Variants in LENG9 observed in about 807,000 individuals in gnomAD.
LENG9 encodes the protein leukocyte receptor cluster (LRC) member 9.
For synonymous variants in LENG9, 410 were observed against 303.9 expected (o/e 1.35, Z -3.63); for missense variants, 872 against 652.7 (o/e 1.34, Z -3.66).
At position 54,463,344 on chromosome 19, in the gene LENG9, C is replaced by T; in HGVS notation, c.183G>A (p.Lys61=). ...REAQPEAGAK[K]PPLRTAADVI... ...CGTCCGCGGCTGTGCGCAGCGGCGGCTTCTTGGCCCCGGCCTCCGGCTGCG... is the reference window on the plus strand; with the variant it reads ...CGTCCGCGGCTGTGCGCAGCGGCGGTTTCTTGGCCCCGGCCTCCGGCTGCG... The change falls in exon 1 of 1, where the codon AAG becomes AAA. Residue 61 remains lysine (K), a synonymous_variant. Coordinates refer to ENST00000611161, the MANE Select transcript of LENG9 (RefSeq NM_001301782.2). 12 of 1,441,822 alleles carry T rather than the reference C, an allele frequency of 8.3e-6. No individual in the cohort carries two copies. The highest frequency in any genetic ancestry group is 1.5e-5 in the African/African-American group (1 of 66,886). The allele number at this position is 1,441,822 out of a possible 1,614,324, so 89.3% of individuals were successfully genotyped here. A position where few individuals can be genotyped will look rare whatever the true frequency, so the allele number is the denominator to read the frequency against.
Position 54,462,631 on chromosome 19 carries a change from T to C in LENG9, c.896A>G (p.His299Arg), listed in dbSNP as rs1356569870. The C allele has an allele frequency of 2.5e-6, 4 of 1,613,408 alleles. No individual in the cohort carries two copies. Among genetic ancestry groups the C allele is most frequent in the East Asian group, 2.2e-5 (1 of 44,862 alleles). ...CTCGGTCACCATGAGGGCCACAAAA[T>C]GTGTGGGGCGCGGTTGGCAAGGGGC... Reference protein sequence around the residue: ...VAAPCQPRPTHFVALMVTEPG... With the variant: ...VAAPCQPRPTRFVALMVTEPG... Residue 299 changes from histidine to arginine, a missense_variant, in exon 1 of 1, where the codon CAT becomes CGT. Physicochemically the swap from His to Arg is conservative, Grantham distance 29. Transcript: ENST00000611161.
At position 54,462,364 on chromosome 19, in the gene LENG9, A is replaced by C; in HGVS notation, c.1163T>G (p.Leu388Arg). Residue 388 changes from leucine to arginine, a missense_variant, in exon 1 of 1, where the codon CTG (leucine) becomes CGG (arginine). By Grantham distance (102) the Leu-to-Arg change is moderately radical. Transcript: ENST00000611161. ...RKLVLLGPHVLCAPPSPTLES... is the reference protein window; with the variant it reads ...RKLVLLGPHVRCAPPSPTLES... ...CAGTGTGGGAGAGGGTGGGGCACAC[A>C]GCACATGCGGGCCCAGGAGGACCAG... 1.2e-6 allele frequency: 2 copies of C among 1,611,872 alleles called. No homozygotes were observed. Among genetic ancestry groups the C allele is most frequent in the Non-Finnish European group, 1.7e-6 (2 of 1,178,666 alleles).
At position 54,462,690 on chromosome 19, in the gene LENG9, C is replaced by A; in HGVS notation, c.837G>T (p.Trp279Cys). 1 of 1,611,276 alleles carries A rather than the reference C, an allele frequency of 6.2e-7. No individual in the cohort carries two copies. The highest frequency in any genetic ancestry group is 8.5e-7 in the Non-Finnish European group (1 of 1,179,996). Reference sequence around the variant, plus strand: ...TAAGGCGGGCCCTTTTGTCCTCGGGCCAGGCCGCAGGACCCCACTCGGCTT... The same window carrying A: ...TAAGGCGGGCCCTTTTGTCCTCGGGACAGGCCGCAGGACCCCACTCGGCTT... ...TTEAEWGPAA[W>C]PEDKRARLSV... Residue 279 changes from tryptophan (W) to cysteine (C), a missense_variant, in exon 1 of 1, where the codon TGG becomes TGT. By Grantham distance (215) the Trp-to-Cys change is radical. Transcript: ENST00000611161.
rs755080380 is a variant in LENG9, at chr19:54,461,784, C to G, written c.*306G>C. On this transcript the variant is annotated 3_prime_UTR_variant, in exon 1 of 1. Transcript: ENST00000611161. ...TTTATTTAAGTTATTTTTCTTCCTC[C>G]TCTCCCTTTTCTTTTTGGCCCTCCC... is the stretch of plus-strand genomic sequence containing the variant. 6.4e-6 allele frequency: 4 copies of G among 621,480 alleles called. No homozygotes were observed. The highest frequency in any genetic ancestry group is 6.1e-5 in the South Asian group (4 of 65,890). The allele number at this position is 621,480 out of a possible 1,614,324, so 38.5% of individuals were successfully genotyped here.
chr19:54,462,590 C>G lies in LENG9; in HGVS notation c.937G>C (p.Glu313Gln). The change falls in exon 1 of 1, where the codon GAA becomes CAA. Residue 313 changes from glutamate (E) to glutamine (Q), a missense_variant. By Grantham distance (29) the Glu-to-Gln change is conservative. Coordinates refer to ENST00000611161, the MANE Select transcript of LENG9 (RefSeq NM_001301782.2). ...LMVTEPGLQA[E>Q]VTKAQEYLVH... ...AGGTATTCCTGGGCCTTGGTCACTTCTGCTTGTAGCCCAGGCTCGGTCACC... is the reference window on the plus strand; with the variant it reads ...AGGTATTCCTGGGCCTTGGTCACTTGTGCTTGTAGCCCAGGCTCGGTCACC... The G allele has an allele frequency of 6.2e-7, 1 of 1,613,724 alleles. No individual in the cohort carries two copies. Among genetic ancestry groups the G allele is most frequent in the South Asian group, 1.1e-5 (1 of 91,044 alleles).
chr19:54,462,538 T>C lies in LENG9; in HGVS notation c.989A>G (p.Asn330Ser). The C allele has an allele frequency of 1.2e-6, 2 of 1,613,580 alleles. No individual in the cohort carries two copies. The highest frequency in any genetic ancestry group is 1.7e-6 in the Non-Finnish European group (2 of 1,180,004). The stretch of plus-strand genomic sequence containing the variant: ...TAGGTTCTGAGAGGGCACTAGGAAG[T>C]TGGCGCAGTGTGGGGCCACGTGGAC... ...YLVHVAPHCANFLVPSQNLHL... is the reference protein window; with the variant it reads ...YLVHVAPHCASFLVPSQNLHL... Residue 330 changes from asparagine (N) to serine (S), a missense_variant, in exon 1 of 1, where the codon AAC (asparagine) becomes AGC (serine). Transcript: ENST00000611161.
Position 54,463,259 on chromosome 19 carries a change from C to G in LENG9, c.268G>C (p.Val90Leu). 1 of 1,542,212 alleles carries G rather than the reference C, an allele frequency of 6.5e-7. No homozygotes were observed. The highest frequency in any genetic ancestry group is 8.7e-7 in the Non-Finnish European group (1 of 1,149,936). ...TCGCGCACACCCAGAAAGCGGTCGA[C>G]GTAGCCCACCGAGAAGTCGGCGGGG... ...LDPADFSVGY[V>L]DRFLGVREEP... Residue 90 changes from valine (V) to leucine (L), a missense_variant, in exon 1 of 1, where the codon GTC (valine) becomes CTC (leucine). Transcript: ENST00000611161.
rs937676187 is a variant in LENG9, at chr19:54,463,222, C to T, written c.305G>A (p.Ser102Asn). The T allele has an allele frequency of 1.9e-6, 3 of 1,549,550 alleles. No homozygotes were observed. The highest frequency in any genetic ancestry group is 2.3e-5 in the South Asian group (2 of 85,334). The change falls in exon 1 of 1, where the codon AGC becomes AAC. Residue 102 changes from serine to asparagine, a missense_variant. Coordinates refer to ENST00000611161, the MANE Select transcript of LENG9 (RefSeq NM_001301782.2). The part of the protein sequence containing the change: ...RFLGVREEPF[S>N]AFCWDQPLAA... ...CAGCGGCTGGTCCCAGCAAAAGGCG[C>T]TGAAGGGCTCCTCGCGCACACCCAG...
chr19:54,463,368 C>A lies in LENG9; in HGVS notation c.159G>T (p.Ala53=). 3 of 1,324,644 alleles carry A rather than the reference C, an allele frequency of 2.3e-6. No homozygotes were observed. Among genetic ancestry groups the A allele is most frequent in the Non-Finnish European group, 2.9e-6 (3 of 1,040,630 alleles). The allele number at this position is 1,324,644 out of a possible 1,614,324, so 82.1% of individuals were successfully genotyped here. A position where few individuals can be genotyped will look rare whatever the true frequency, so the allele number is the denominator to read the frequency against. ...GCTTCTTGGCCCCGGCCTCCGGCTG[C>A]GCCTCGCGGCCAGGCGGCGCCGGCG... ...PGAPAPPGRE[A]QPEAGAKKPP... is the part of the protein sequence containing the mutation. Residue 53 remains alanine (A), a synonymous_variant, in exon 1 of 1, where the codon GCG becomes GCT. Transcript: ENST00000611161.
rs1819401010 is a variant in LENG9, at chr19:54,461,891, A to G, written c.*199T>C. The G allele has an allele frequency of 2.6e-6, 2 of 760,166 alleles. No individual in the cohort carries two copies. Among genetic ancestry groups the G allele is most frequent in the African/African-American group, 3.5e-5 (2 of 57,282 alleles). The allele number at this position is 760,166 out of a possible 1,614,324, so 47.1% of individuals were successfully genotyped here. A position where few individuals can be genotyped will look rare whatever the true frequency, so the allele number is the denominator to read the frequency against. On this transcript the variant is annotated 3_prime_UTR_variant, in exon 1 of 1. Coordinates refer to ENST00000611161, the MANE Select transcript of LENG9 (RefSeq NM_001301782.2). ...GACTGTCAGGCTGCTTTTTTTCCAG[A>G]TGTTCCTCCTCTGCCTCCCCTTCCC... is the stretch of plus-strand genomic sequence containing the variant.
In LENG9 at chr19:54,462,018, G is replaced by A. The variant is rs3745439; in HGVS notation, c.*72C>T. 26,537 of 1,478,006 alleles carry A rather than the reference G, an allele frequency of 0.018. 692 individuals are homozygous for A. The highest frequency in any genetic ancestry group is 0.12 in the East Asian group (5,391 of 44,202). The allele number at this position is 1,478,006 out of a possible 1,614,324, so 91.6% of individuals were successfully genotyped here. On this transcript the variant is annotated 3_prime_UTR_variant, in exon 1 of 1. Coordinates refer to ENST00000611161, the MANE Select transcript of LENG9 (RefSeq NM_001301782.2). Reference sequence around the variant, plus strand: ...AAAATTAAAGAGAGAAAGAGAGAGCGTGCACGCTCCTGCTTTGTCTTTCCT... The same window carrying A: ...AAAATTAAAGAGAGAAAGAGAGAGCATGCACGCTCCTGCTTTGTCTTTCCT...
chr19:54,463,564 G>A lies in LENG9; in HGVS notation c.-38C>T. 1 of 1,375,398 alleles carries A rather than the reference G, an allele frequency of 7.3e-7. No individual in the cohort carries two copies. Among genetic ancestry groups the A allele is most frequent in the African/African-American group, 1.5e-5 (1 of 66,732 alleles). The allele number at this position is 1,375,398 out of a possible 1,614,324, so 85.2% of individuals were successfully genotyped here. ...CTGGCACGCCCGCCGCGCAGACGAG[G>A]TCGCCCCGCACGGAGGGCGGCTCCC... On this transcript the variant is annotated 5_prime_UTR_variant, in exon 1 of 1. Transcript: ENST00000611161.
chr19:54,463,485 G>T lies in LENG9; in HGVS notation c.42C>A (p.Pro14=). 7.7e-7 allele frequency: 1 copy of T among 1,305,612 alleles called. No individual in the cohort carries two copies. The highest frequency in any genetic ancestry group is 9.7e-7 in the Non-Finnish European group (1 of 1,026,004). The allele number at this position is 1,305,612 out of a possible 1,614,324, so 80.9% of individuals were successfully genotyped here. A position where few individuals can be genotyped will look rare whatever the true frequency, so the allele number is the denominator to read the frequency against. ...CCGGCGGGGGCGCGGGTTCCGTGGCGGGGGCTTCCTGCGGCAACTCCGGCT... is the reference window on the plus strand; with the variant it reads ...CCGGCGGGGGCGCGGGTTCCGTGGCTGGGGCTTCCTGCGGCAACTCCGGCT... ...AREPELPQEA[P]ATEPAPPPAC... Residue 14 remains proline (P), a synonymous_variant, in exon 1 of 1, where the codon CCC becomes CCA. Coordinates refer to ENST00000611161, the MANE Select transcript of LENG9 (RefSeq NM_001301782.2).
Position 54,462,663 on chromosome 19 carries a change from A to T in LENG9, c.864T>A (p.Ser288Arg), listed in dbSNP as rs140921744. 1 of 1,612,436 alleles carries T rather than the reference A, an allele frequency of 6.2e-7. No individual in the cohort carries two copies. The highest frequency in any genetic ancestry group is 8.5e-7 in the Non-Finnish European group (1 of 1,179,988). Reference protein sequence around the residue: ...AWPEDKRARLSVAAPCQPRPT... With the variant: ...AWPEDKRARLRVAAPCQPRPT... ...GGCGCGGTTGGCAAGGGGCTGCAAC[A>T]CTAAGGCGGGCCCTTTTGTCCTCGG... Residue 288 changes from serine (S) to arginine (R), a missense_variant, in exon 1 of 1, where the codon AGT becomes AGA. By Grantham distance (110) the Ser-to-Arg change is moderately radical. Coordinates refer to ENST00000611161, the MANE Select transcript of LENG9 (RefSeq NM_001301782.2).
Position 54,462,697 on chromosome 19 carries a change from G to C in LENG9, c.830C>G (p.Ala277Gly), listed in dbSNP as rs773006602. Residue 277 changes from alanine to glycine, a missense_variant, in exon 1 of 1, where the codon GCG becomes GGG. Transcript: ENST00000611161. ...GGCCCTTTTGTCCTCGGGCCAGGCC[G>C]CAGGACCCCACTCGGCTTCTGTCGT... ...AETTEAEWGP[A>G]AWPEDKRARL... 4 of 1,610,920 alleles carry C rather than the reference G, an allele frequency of 2.5e-6. No individual in the cohort carries two copies. The highest frequency in any genetic ancestry group is 3.4e-6 in the Non-Finnish European group (4 of 1,179,996).
rs148180072 is a variant in LENG9, at chr19:54,463,640, G to A, written c.-114C>T. ...CAGTGGCGTCAGCGGCCCGCGCTCC[G>A]GCCTAGCTCTGGGGACCACGCCGCG... On this transcript the variant is annotated 5_prime_UTR_variant, in exon 1 of 1. Transcript: ENST00000611161. 578 of 1,248,400 alleles carry A rather than the reference G, an allele frequency of 4.6e-4. 2 individuals carry two copies. In the African/African-American group the frequency reaches 8.2e-3, roughly 18 times the overall value. The allele number at this position is 1,248,400 out of a possible 1,614,324, so 77.3% of individuals were successfully genotyped here.
chr19:54,462,186 C>T lies in LENG9; in HGVS notation c.1341G>A (p.Gln447=). 1.9e-6 allele frequency: 3 copies of T among 1,613,228 alleles called. No homozygotes were observed. The highest frequency in any genetic ancestry group is 1.1e-5 in the South Asian group (1 of 90,994). The change falls in exon 1 of 1, where the codon CAG becomes CAA. Residue 447 remains glutamine (Q), a synonymous_variant. Transcript: ENST00000611161. ...HLPKLEFTLS[Q]EVGCQPLQTL... ...TCTGCAGGGGCTGGCACCCCACTTC[C>T]TGGCTGAGGGTGAACTCCAGCTTGG...
Position 54,462,291 on chromosome 19 carries a change from C to CA in LENG9, c.1235dup (p.Ser413GlufsTer62). On this transcript the variant is annotated frameshift_variant, in exon 1 of 1. Transcript: ENST00000611161. LOFTEE classifies it low-confidence loss of function (END_TRUNC). ...GCTGCCCTGGAGACTGTAGTGTACT[C>CA]AGCCCCTCGGCTTCCAGCCTCTGGC... is the stretch of plus-strand genomic sequence containing the variant. 6.2e-7 allele frequency: 1 copy of CA among 1,602,952 alleles called. No homozygotes were observed.
Position 54,462,313 on chromosome 19 carries a change from T to C in LENG9, c.1214A>G (p.Gln405Arg), listed in dbSNP as rs756690568. ...TLESMAQVLS[Q>R]RLEAEGLSTL... ...ACTCAGCCCCTCGGCTTCCAGCCTC[T>C]GGCTCAGCACTTGTGCCATGCTTTC... Residue 405 changes from glutamine (Q) to arginine (R), a missense_variant, in exon 1 of 1, where the codon CAG becomes CGG. By Grantham distance (43) the Gln-to-Arg change is conservative. Transcript: ENST00000611161. The C allele has an allele frequency of 8.7e-5, 139 of 1,603,556 alleles. No homozygotes were observed. The highest frequency in any genetic ancestry group is 1.1e-4 in the Non-Finnish European group (128 of 1,173,212).
Sources: allele counts gnomAD v4.1 joint callset, GRCh38; gene constraint gnomAD v4.1.1; transcripts MANE v1.5; gene names NCBI Gene and HGNC (gene_info 2026-07-23, HGNC 2026-07-21).